SORCS1: variants seen among roughly 807,000 people sequenced by gnomAD.
SORCS1 encodes sortilin related VPS10 domain containing receptor 1.
SORCS1 carries 60 observed loss-of-function variants against 146.1 expected under a neutral mutation model. The observed-to-expected ratio is 0.41, with a 90% CI of 0.33 to 0.51. The LOEUF is 0.51. Ranked by LOEUF, SORCS1 falls within the 20% of genes least tolerant of loss-of-function variation. The probability of loss-of-function intolerance (pLI) is 0.21; values close to 1 mark genes in which losing one functional copy is unlikely to be tolerated. For missense variants in SORCS1, 1,352 were observed against 1,487.6 expected, an observed-to-expected ratio of 0.91 and a Z score of 1.50; for synonymous variants, 637 against 584.0, an observed-to-expected ratio of 1.09 and a Z score of -1.31.
intron 3 of SORCS1, among the ~76,000 whole-genome samples, chr10:106,809,150 T>A (rs950457091): frequency 6.6e-6 from 1 of 152,014 alleles, no homozygotes. Context: ...TTGTTTTGTT[T>A]TGTTTTTGTT....
At chr10:107,170,555 T>C in the SORCS1 span, among the ~76,000 whole-genome samples, 2 of 152,210 alleles carry the variant, frequency 1.3e-5, no homozygotes, top group Non-Finnish European at 2.9e-5. Flanking sequence ...TCCTGTGGCA[T>C]AATATTCCAG....
chr10:106,621,625 C>G (rs759638516), intron 19 of SORCS1, among the ~76,000 whole-genome samples: 43 of 151,882 alleles, frequency 2.8e-4, no homozygotes, highest in Non-Finnish European at 4.4e-4. Context: ...TTCTTTGCCT[C>G]CAGCAATCAA....
chr10:106,645,716 ATGTTTATTT>A (rs3044911), intron 18 of SORCS1, among the ~76,000 whole-genome samples: 10,721 of 152,050 alleles, frequency 0.071, 446 homozygotes, highest in East Asian at 0.2. Flanking sequence ...CATTAAAATT[ATGTTTATTT>A]TGCATAATAA....
rs114113413 is a variant in SORCS1 at position 106,780,214 on chromosome 10, A to T, written c.727-3522T>A. On this transcript the variant is annotated intron_variant, in intron 3 of 25. Coordinates refer to ENST00000263054, the MANE Select transcript of SORCS1 (RefSeq NM_052918.5). Reference sequence around the variant, plus strand: ...TTCTCACAAGATTTTCTGCTCAGAAATATTTTCAAAATAGTAAGTTCAAAT... The same window carrying T: ...TTCTCACAAGATTTTCTGCTCAGAATTATTTTCAAAATAGTAAGTTCAAAT... Among the ~76,000 whole-genome samples, 463 of 152,342 alleles carry T rather than the reference A, an allele frequency of 3.0e-3. 1 individual carries two copies. The highest frequency in any genetic ancestry group is 0.014 in the Middle Eastern group (4 of 294).
intron 1 of SORCS1, among the ~76,000 whole-genome samples, chr10:107,163,584 G>A (rs922832337): frequency 6.6e-6 from 1 of 152,240 alleles, no homozygotes; most frequent in Non-Finnish European, 1.5e-5. Context: ...GGTCTGGCAA[G>A]TAAAGGGAAA....
the SORCS1 span, among the ~76,000 whole-genome samples, chr10:107,181,004 G>T: frequency 1.3e-5 from 2 of 152,222 alleles, no homozygotes; most frequent in East Asian, 1.9e-4. Flanking sequence ...AGATAGAAAA[G>T]GTACAGTAAA....
chr10:106,784,578 C>G (rs1945969683), intron 3 of SORCS1, among the ~76,000 whole-genome samples: 1 of 152,132 alleles, frequency 6.6e-6, no homozygotes. Context: ...ACACTTCCAT[C>G]AACATTACAA....
At chr10:106,973,415 G>A (rs1266323707) in intron 1 of SORCS1, among the ~76,000 whole-genome samples, 3 of 152,174 alleles carry the variant, frequency 2.0e-5, no homozygotes, top group Admixed American at 6.5e-5. Context: ...TCCAGAAAAT[G>A]CAAATCTCCC....
chr10:106,632,549 C>T (rs1020221926), intron 18 of SORCS1, among the ~76,000 whole-genome samples: 6 of 152,180 alleles, frequency 3.9e-5, no homozygotes, highest in African/African-American at 7.2e-5. Context: ...ACCCTACCGG[C>T]GCTCTGGTCA....
chr10:106,944,874 C>CTTTTTTTTTTTG (rs1954242871), intron 2 of SORCS1, among the ~76,000 whole-genome samples: 1 of 36,576 alleles, frequency 2.7e-5, no homozygotes, highest in Non-Finnish European at 5.0e-5. Context: ...AAAGAGCCTT[C>CTTTTTTTTTTTG]TTTTTTTTTT....
rs531581923 is a variant in SORCS1 at position 107,034,461 on chromosome 10, C to G, written c.559-77881G>C. Among the ~76,000 whole-genome samples, 153 of 151,880 alleles carry G rather than the reference C, an allele frequency of 1.0e-3. 1 individual carries two copies. The highest frequency in any genetic ancestry group is 1.0e-3 in the Non-Finnish European group (69 of 67,952). Reference sequence around the variant, plus strand: ...TTGGGAGACCGAGGCGGGCAGATCACCTGAGGCCAGGAGTTTGAGACCAGC... The same window carrying G: ...TTGGGAGACCGAGGCGGGCAGATCAGCTGAGGCCAGGAGTTTGAGACCAGC... On this transcript the variant is annotated intron_variant, in intron 1 of 25. Coordinates refer to ENST00000263054, the MANE Select transcript of SORCS1 (RefSeq NM_052918.5).
chr10:106,677,346 A>G lies in SORCS1; in HGVS notation c.1799T>C (p.Met600Thr). ...YLDQGGVLVAMKHTSLPIRHL... is the reference protein window; with the variant it reads ...YLDQGGVLVATKHTSLPIRHL... The stretch of plus-strand genomic sequence containing the variant: ...TCGAATTGGGAGAGATGTGTGTTTC[A>G]TAGCAACCAGGACTCCACCTTGATC... The change falls in exon 13 of 26, where the codon ATG becomes ACG. Residue 600 changes from methionine (M) to threonine (T), a missense_variant. By Grantham distance (81) the Met-to-Thr change is moderately conservative. Transcript: ENST00000263054. 1 of 1,613,980 alleles carries G rather than the reference A, an allele frequency of 6.2e-7. No homozygotes were observed. Among genetic ancestry groups the G allele is most frequent in the Non-Finnish European group, 8.5e-7 (1 of 1,179,874 alleles).
chr10:106,803,360 C>A (rs572392640), intron 3 of SORCS1, among the ~76,000 whole-genome samples: 1 of 152,280 alleles, frequency 6.6e-6, no homozygotes, highest in Non-Finnish European at 1.5e-5. Flanking sequence ...GGAAAACATA[C>A]CAGGGCACTT....
chr10:107,062,376 G>T (rs1961308078), intron 1 of SORCS1, among the ~76,000 whole-genome samples: 1 of 151,818 alleles, frequency 6.6e-6, no homozygotes, highest in South Asian at 2.1e-4. Context: ...GAATGAGGTG[G>T]ATGAAATTAG....
intron 5 of SORCS1, among the ~76,000 whole-genome samples, chr10:106,732,100 T>A (rs1856640096): frequency 1.3e-5 from 2 of 152,174 alleles, no homozygotes; most frequent in African/African-American, 4.8e-5. Flanking sequence ...AGAAAAGAAG[T>A]CTCCTTAAAG....
chr10:106,960,578 C>T lies in SORCS1; in HGVS notation c.559-3998G>A, dbSNP rs1163695250. On this transcript the variant is annotated intron_variant, in intron 1 of 25. Transcript: ENST00000263054. This position sits in a 1 kb window ranked among gnomAD's most constrained non-coding sequence, Gnocchi z 4.4. ...CCACCACACCCAGCTAATTTTTGTA[C>T]TTTTAGTAGAGATGGGATTTCACCA... Among the ~76,000 whole-genome samples, 13 of 151,768 alleles carry T rather than the reference C, an allele frequency of 8.6e-5. No homozygotes were observed. Among genetic ancestry groups the T allele is most frequent in the Admixed American group, 3.3e-4 (5 of 15,202 alleles).
Position 106,577,043 on chromosome 10 carries a change from A to AT in SORCS1, c.*376dup, listed in dbSNP as rs1165562695. On this transcript the variant is annotated 3_prime_UTR_variant, in exon 26 of 26. Transcript: ENST00000263054. ...GCACCTGTACACTGCCCCTCCAGAC[A>AT]TGTTCTCAGAGTATTGTCCACATGC... is the stretch of plus-strand genomic sequence containing the variant. 2.0e-5 allele frequency: 8 copies of AT among 408,154 alleles called. No individual in the cohort carries two copies. The highest frequency in any genetic ancestry group is 3.1e-5 in the Non-Finnish European group (7 of 229,280). The allele number at this position is 408,154 out of a possible 1,614,324, so 25.3% of individuals were successfully genotyped here. A position where few individuals can be genotyped will look rare whatever the true frequency, so the allele number is the denominator to read the frequency against.
chr10:106,883,329 C>T (rs1301086073), intron 2 of SORCS1, among the ~76,000 whole-genome samples: 2 of 152,112 alleles, frequency 1.3e-5, no homozygotes, highest in Admixed American at 1.3e-4. Flanking sequence ...ACCCTTCGAT[C>T]TTGCAGATTC....
intron 2 of SORCS1, among the ~76,000 whole-genome samples, chr10:106,948,830 A>G (rs1348995932): frequency 6.6e-6 from 1 of 151,900 alleles, no homozygotes. Context: ...GCGTGGTGGC[A>G]GGCGCCTGTA....
Sources: allele counts gnomAD v4.1 joint callset (sites outside exome capture counted in the v4.1 genomes callset), GRCh38; gene constraint gnomAD v4.1.1; non-coding constraint Gnocchi (gnomAD v3.1); transcripts MANE v1.5; gene names NCBI Gene and HGNC (gene_info 2026-07-23, HGNC 2026-07-21).